Variants in RADIL observed in about 807,000 individuals in gnomAD.
RADIL encodes Rap associating with DIL domain.
In RADIL, 99 loss-of-function variants were observed where a neutral mutation model predicts 97.6. The ratio of observed to expected loss-of-function variants is 1.01; its 90% CI spans 0.86 to 1.20. The LOEUF is 1.20. Ranked by LOEUF, RADIL falls within the 50% of genes most tolerant of loss-of-function variation. RADIL has a pLI of 0.00. For missense variants in RADIL, 1,765 were observed against 1,498.9 expected (o/e 1.18, Z -2.93); for synonymous variants, 803 against 691.8 (o/e 1.16, Z -2.52).
In RADIL at chr7:4,877,614, T is replaced by C. The variant is rs1784402330; in HGVS notation, c.526A>G (p.Ile176Val). The change falls in exon 2 of 15, where the codon ATC (isoleucine) becomes GTC (valine). Residue 176 changes from isoleucine (I) to valine (V), a missense_variant. By Grantham distance (29) the Ile-to-Val change is conservative (BLOSUM62 3). Coordinates refer to ENST00000399583, the MANE Select transcript of RADIL (RefSeq NM_018059.5). The part of the protein sequence containing the change: ...EELAAKEVDT[I>V]TAGINAQARR... ...CTGTGGCCCCCCTCACCTGCCGTGA[T>C]GGTGTCCACCTCCTTGGCTGCCAGC... 6 of 1,598,212 alleles carry C rather than the reference T, an allele frequency of 3.8e-6. No homozygotes were observed. The highest frequency in any genetic ancestry group is 5.1e-6 in the Non-Finnish European group (6 of 1,173,040).
rs1432944881 is a variant in RADIL at position 4,873,190 on chromosome 7, C to A, written c.535+4415G>T. 6.6e-6 allele frequency among the ~76,000 whole-genome samples: 1 copy of A among 152,184 alleles called. No homozygotes were observed. ...TCAATTGATCTGCCTGCCTCGGCCT[C>A]CCAAAGTGCTGGGATTACACGCGTG... On this transcript the variant is annotated intron_variant, in intron 2 of 14. Transcript: ENST00000399583. This position sits in a 1 kb window ranked among gnomAD's most constrained non-coding sequence, Gnocchi z 4.3.
rs1562424811 is a variant in RADIL at position 4,801,921 on chromosome 7, T to TGGGCCAGGGTCCCTGG, written c.2558_2573dup (p.Ala859GlnfsTer60). The stretch of plus-strand genomic sequence containing the variant: ...GCTCCGGGGCCACTTCCCGGGCTGC[T>TGGGCCAGGGTCCCTGG]GGGCCAGGGTCCCTGGGAGCCAGGG... On this transcript the variant is annotated frameshift_variant, in exon 12 of 15. Coordinates refer to ENST00000399583, the MANE Select transcript of RADIL (RefSeq NM_018059.5). LOFTEE classifies it high-confidence loss of function. 4 of 1,568,064 alleles carry TGGGCCAGGGTCCCTGG rather than the reference T, an allele frequency of 2.6e-6. No individual in the cohort carries two copies. The highest frequency in any genetic ancestry group is 1.2e-5 in the South Asian group (1 of 85,696).
At chr7:4,799,603 G>C (rs763001484) in intron 14 of RADIL, 27 bp downstream of exon 14, 2 of 1,605,984 alleles carry the variant, frequency 1.2e-6, no homozygotes, top group East Asian at 2.2e-5. Context: ...TGGGAGAAGG[G>C]GCCGGGCGTG....
chr7:4,879,989 C>T lies in RADIL; in HGVS notation c.-64-1786G>A, dbSNP rs955845966. ...TCTTCAGAAATACTTCCGACAGCTT[C>T]GCACACCAGAGACTGGGTTCCCAAC... On this transcript the variant is annotated intron_variant, in intron 1 of 14. Coordinates refer to ENST00000399583, the MANE Select transcript of RADIL (RefSeq NM_018059.5). The surrounding 1 kb of genome is among the most constrained non-coding windows in gnomAD (Gnocchi z 4.1). Among the ~76,000 whole-genome samples the T allele has an allele frequency of 1.3e-5, 2 of 152,192 alleles. No individual in the cohort carries two copies. The highest frequency in any genetic ancestry group is 4.8e-5 in the African/African-American group (2 of 41,448).
intron 3 of RADIL, 130 bp downstream of exon 3, chr7:4,836,228 A>T (rs1783294736): frequency 3.6e-6 from 5 of 1,381,788 alleles, no homozygotes; most frequent in Admixed American, 2.4e-5. Context: ...GCCTCGGCAC[A>T]GCCAGAGGGG....
rs184696145 is a variant in RADIL at position 4,835,126 on chromosome 7, G to A, written c.897C>T (p.Thr299=). 678 of 1,609,976 alleles carry A rather than the reference G, an allele frequency of 4.2e-4. 1 individual carries two copies. The African/African-American group carries it at 7.4e-3, about 18-fold the overall frequency. Residue 299 remains threonine, a synonymous_variant, in exon 4 of 15, where the codon ACC becomes ACT. Coordinates refer to ENST00000399583, the MANE Select transcript of RADIL (RefSeq NM_018059.5). The surrounding 1 kb of genome is among the most constrained non-coding windows in gnomAD (Gnocchi z 5.8). ...TGTCCGGGAGCGGTTGCCGGCGGATGGTGCAGTGTAGAGGCAGGATGTCGG... is the reference window on the plus strand; with the variant it reads ...TGTCCGGGAGCGGTTGCCGGCGGATAGTGCAGTGTAGAGGCAGGATGTCGG... ...SAPDILPLHC[T]IRRQPLPDSG... is the part of the protein sequence containing the mutation.
Position 4,835,161 on chromosome 7 carries a change from G to A in RADIL, c.862C>T (p.Leu288Phe), listed in dbSNP as rs13232650. 3.1e-6 allele frequency: 5 copies of A among 1,611,504 alleles called. No homozygotes were observed. Among genetic ancestry groups the A allele is most frequent in the African/African-American group, 2.7e-5 (2 of 74,904 alleles). Residue 288 changes from leucine to phenylalanine, a missense_variant, in exon 4 of 15, where the codon CTC becomes TTC. By Grantham distance (22) the Leu-to-Phe change is conservative. Transcript: ENST00000399583. This position sits in a 1 kb window ranked among gnomAD's most constrained non-coding sequence, Gnocchi z 5.8. Reference sequence around the variant, plus strand: ...AGAGGCAGGATGTCGGGGGCTGAGAGGCTGATGCTGGGCTTGCTGGAGGGG... The same window carrying A: ...AGAGGCAGGATGTCGGGGGCTGAGAAGCTGATGCTGGGCTTGCTGGAGGGG... ...RTPSSKPSIS[L>F]SAPDILPLHC...
chr7:4,799,794 G>T, intron 13 of RADIL, 25 bp from the exon 14 acceptor site: 1 of 1,493,034 alleles, frequency 6.7e-7, no homozygotes. Flanking sequence ...AGGCCTCAGA[G>T]CTCCGCAGGC....
At chr7:4,861,837 C>CGTCCCCCACCACCGCGACCTTCAT in intron 2 of RADIL, 3 of 1,400,578 alleles carry the variant, frequency 2.1e-6, no homozygotes, top group South Asian at 1.7e-5. Flanking sequence ...CGCCAGGGCA[C>CGTCCCCCACCACCGCGACCTTCAT]GTCCCCCACC....
At chr7:4,820,050 G>T (rs1177349159) in intron 6 of RADIL, among the ~76,000 whole-genome samples, 1 of 152,208 alleles carries the variant, frequency 6.6e-6, no homozygotes, top group Non-Finnish European at 1.5e-5. Flanking sequence ...GACTCTCCAG[G>T]AACACAGAGC....
chr7:4,820,144 A>AGTG (rs1488459694), intron 6 of RADIL, among the ~76,000 whole-genome samples: 3 of 152,186 alleles, frequency 2.0e-5, no homozygotes, highest in Admixed American at 2.0e-4. Context: ...TCCCCCTGTC[A>AGTG]CACGGAAGGA....
rs866032986 is a variant in RADIL at position 4,816,375 on chromosome 7, C to G, written c.1819G>C (p.Glu607Gln). ...ACAGACACCACGCGGCGCAGCTCCT[C>G]GGGCAGTTCGGGGGCCGAGGACCAG... ...ESWSSAPELP[E>Q]ELRRVVSVYQ... is the part of the protein sequence containing the mutation. Residue 607 changes from glutamate (E) to glutamine (Q), a missense_variant, in exon 8 of 15, where the codon GAG (glutamate) becomes CAG (glutamine). Physicochemically the swap from Glu to Gln is conservative, Grantham distance 29. Coordinates refer to ENST00000399583, the MANE Select transcript of RADIL (RefSeq NM_018059.5). The G allele has an allele frequency of 6.2e-7, 1 of 1,610,056 alleles. No homozygotes were observed.
In RADIL at chr7:4,834,085, G is replaced by A. The variant is rs1245518528; in HGVS notation, c.1416+522C>T. On this transcript the variant is annotated intron_variant, in intron 4 of 14. Coordinates refer to ENST00000399583, the MANE Select transcript of RADIL (RefSeq NM_018059.5). The surrounding 1 kb of genome is among the most constrained non-coding windows in gnomAD (Gnocchi z 6.0). ...GAGAGGCTGGCCTGGAGGAAAGTTCGTCAACGCACAAAAGGTGACGGGCCC... is the reference window on the plus strand; with the variant it reads ...GAGAGGCTGGCCTGGAGGAAAGTTCATCAACGCACAAAAGGTGACGGGCCC... Among the ~76,000 whole-genome samples, 1 of 152,194 alleles carries A rather than the reference G, an allele frequency of 6.6e-6. No individual in the cohort carries two copies. Among genetic ancestry groups the A allele is most frequent in the African/African-American group, 2.4e-5 (1 of 41,442 alleles).
At chr7:4,825,218 A>G (rs1782940048) in intron 5 of RADIL, among the ~76,000 whole-genome samples, 1 of 152,108 alleles carries the variant, frequency 6.6e-6, no homozygotes, top group Admixed American at 6.6e-5. Flanking sequence ...AAGGGCACTC[A>G]GCAGGGGCAG....
At chr7:4,826,207 C>CA (rs1471352706) in intron 5 of RADIL, among the ~76,000 whole-genome samples, 4 of 151,452 alleles carry the variant, frequency 2.6e-5, no homozygotes, top group Non-Finnish European at 5.9e-5. Flanking sequence ...GACCCTGTCT[C>CA]AAAAAATAAT....
Position 4,879,765 on chromosome 7 carries a change from T to C in RADIL, c.-64-1562A>G, listed in dbSNP as rs1784447113. Among the ~76,000 whole-genome samples the C allele has an allele frequency of 6.6e-6, 1 of 152,130 alleles. No homozygotes were observed. ...CACTGTCCCTTAGGAAACTAAACAG[T>C]GGAACCGCCCCAGCCTCCAAAGCTG... On this transcript the variant is annotated intron_variant, in intron 1 of 14. Coordinates refer to ENST00000399583, the MANE Select transcript of RADIL (RefSeq NM_018059.5). This position sits in a 1 kb window ranked among gnomAD's most constrained non-coding sequence, Gnocchi z 4.1.
chr7:4,809,444 G>A, intron 9 of RADIL: 4 of 985,434 alleles, frequency 4.1e-6, no homozygotes, highest in Non-Finnish European at 4.8e-6. Context: ...CCACACATCT[G>A]ACACGCACAA....
At chr7:4,826,590 G>A (rs935033301) in intron 5 of RADIL, among the ~76,000 whole-genome samples, 14 of 151,834 alleles carry the variant, frequency 9.2e-5, no homozygotes, top group Admixed American at 3.9e-4. Flanking sequence ...AAAATTAGCC[G>A]GGCGTGGTGG....
At chr7:4,861,852 C>CGACCTTCACGTCCCCCACCACCTT in intron 2 of RADIL, 4 of 1,322,150 alleles carry the variant, frequency 3.0e-6, no homozygotes, top group Non-Finnish European at 3.9e-6. Context: ...CCCACCACCG[C>CGACCTTCACGTCCCCCACCACCTT]GACCTTCGCG....
Sources: allele counts gnomAD v4.1 joint callset (sites outside exome capture counted in the v4.1 genomes callset), GRCh38; gene constraint gnomAD v4.1.1; non-coding constraint Gnocchi (gnomAD v3.1); transcripts MANE v1.5; gene names NCBI Gene and HGNC (gene_info 2026-07-23, HGNC 2026-07-21).